Variants in MUSK observed in about 807,000 individuals in gnomAD.
MUSK encodes the protein muscle associated receptor tyrosine kinase.
In MUSK, 55 loss-of-function variants were observed where a neutral mutation model predicts 88.7. The observed-to-expected ratio is 0.62, with a 90% CI of 0.50 to 0.78. The LOEUF (loss-of-function observed/expected upper bound fraction) is 0.78, where lower values mean the gene tolerates loss of function less well. Among genes scored for constraint, MUSK ranks in the 30% least tolerant of loss-of-function variants. The pLI is 0.00. For synonymous variants in MUSK, 387 were observed against 391.9 expected, an observed-to-expected ratio of 0.99 and a Z score of 0.15; for missense variants, 1,015 against 1,074.3, an observed-to-expected ratio of 0.94 and a Z score of 0.77.
chr9:110,755,046 T>C (rs1194638103), intron 7 of MUSK, among the ~76,000 whole-genome samples: 2 of 152,194 alleles, frequency 1.3e-5, no homozygotes, highest in Non-Finnish European at 2.9e-5. Context: ...CTACTAGATG[T>C]TTTTCAGAAT....
chr9:110,780,444 T>C (rs2077732994), intron 11 of MUSK, among the ~76,000 whole-genome samples: 1 of 152,246 alleles, frequency 6.6e-6, no homozygotes, highest in Admixed American at 6.5e-5. Context: ...TAGCCAAGAC[T>C]CCACCCATCA....
intron 6 of MUSK, among the ~76,000 whole-genome samples, chr9:110,744,758 C>T (rs2077151972): frequency 6.6e-6 from 1 of 152,156 alleles, no homozygotes. Context: ...GGAGCTGTGT[C>T]TCCAGCTCCC....
chr9:110,727,942 G>T (rs1352411803), intron 5 of MUSK, among the ~76,000 whole-genome samples: 1 of 152,098 alleles, frequency 6.6e-6, no homozygotes, highest in African/African-American at 2.4e-5. Flanking sequence ...TCCACTTGGG[G>T]ACTACGTCTG....
At chr9:110,761,921 A>C in intron 7 of MUSK, 8 of 985,286 alleles carry the variant, frequency 8.1e-6, no homozygotes, top group Non-Finnish European at 9.6e-6. Flanking sequence ...TAATGGAGGG[A>C]AATTCTGAGC....
At chr9:110,750,410 T>G (rs946297746) in intron 7 of MUSK, among the ~76,000 whole-genome samples, 10 of 152,148 alleles carry the variant, frequency 6.6e-5, no homozygotes, top group Non-Finnish European at 1.3e-4. Flanking sequence ...TGATTTTATC[T>G]CTTGGCTTGG....
intron 5 of MUSK, among the ~76,000 whole-genome samples, chr9:110,713,638 C>G (rs1054602897): frequency 9.2e-5 from 14 of 152,242 alleles, no homozygotes; most frequent in Non-Finnish European, 2.1e-4. Flanking sequence ...AGGCATATGG[C>G]CTTATCTGGC....
intron 3 of MUSK, among the ~76,000 whole-genome samples, chr9:110,689,106 T>G (rs1422250004): frequency 1.2e-4 from 15 of 128,546 alleles, no homozygotes; most frequent in South Asian, 4.7e-4. Context: ...AAATATATAG[T>G]TTTATAATTT....
intron 7 of MUSK, among the ~76,000 whole-genome samples, chr9:110,752,625 C>T (rs1048750614): frequency 1.3e-5 from 2 of 152,170 alleles, no homozygotes; most frequent in Non-Finnish European, 2.9e-5. Context: ...CTGTCATGTT[C>T]CTCGTGTTTC....
At chr9:110,772,869 A>G (rs2077601542) in intron 9 of MUSK, among the ~76,000 whole-genome samples, 1 of 152,094 alleles carries the variant, frequency 6.6e-6, no homozygotes, top group African/African-American at 2.4e-5. Flanking sequence ...TATTCATCAA[A>G]CTAGTTCAGA....
At chr9:110,679,540 T>C (rs1036692348) in intron 1 of MUSK, among the ~76,000 whole-genome samples, 1 of 152,062 alleles carries the variant, frequency 6.6e-6, no homozygotes, top group African/African-American at 2.4e-5. Context: ...GCACTTACTG[T>C]GATTTCTGGT....
At chr9:110,772,566 TATA>T (rs1297651316) in intron 9 of MUSK, among the ~76,000 whole-genome samples, 1 of 152,020 alleles carries the variant, frequency 6.6e-6, no homozygotes, top group East Asian at 1.9e-4. Flanking sequence ...TTCTCTGATA[TATA>T]ATAATAAAAA....
At position 110,790,453 on chromosome 9, in the gene MUSK, T is replaced by A. The variant is rs571621502; in HGVS notation, c.1927+2615T>A. Reference sequence around the variant, plus strand: ...TTGTAAATTAATGAGAATGATCCCGTAAAGAGAAAAATTGATGACAGGGTT... The same window carrying A: ...TTGTAAATTAATGAGAATGATCCCGAAAAGAGAAAAATTGATGACAGGGTT... On this transcript the variant is annotated intron_variant, in intron 14 of 14. Transcript: ENST00000374448. Among the ~76,000 whole-genome samples the A allele has an allele frequency of 8.5e-5, 13 of 152,300 alleles. No homozygotes were observed. The East Asian group carries it at 2.5e-3, about 29-fold the overall frequency.
chr9:110,724,829 T>C (rs951235290), intron 5 of MUSK, among the ~76,000 whole-genome samples: 1 of 151,986 alleles, frequency 6.6e-6, no homozygotes, highest in Non-Finnish European at 1.5e-5. Context: ...CTTTGTGCTA[T>C]AATTATTATA....
intron 8 of MUSK, among the ~76,000 whole-genome samples, chr9:110,766,000 C>G (rs77797804): frequency 0.011 from 1,658 of 152,142 alleles, 25 homozygotes; most frequent in African/African-American, 0.038. Context: ...CCTGCTTGTT[C>G]AGATTTTTCT....
rs2078092616 is a variant in MUSK at position 110,801,126 on chromosome 9, G to A, written c.*138G>A. 2.6e-6 allele frequency: 2 copies of A among 766,766 alleles called. No individual in the cohort carries two copies. Among genetic ancestry groups the A allele is most frequent in the Admixed American group, 3.4e-5 (1 of 29,320 alleles). The allele number at this position is 766,766 out of a possible 1,614,324, so 47.5% of individuals were successfully genotyped here. A position where few individuals can be genotyped will look rare whatever the true frequency, so the allele number is the denominator to read the frequency against. On this transcript the variant is annotated 3_prime_UTR_variant, in exon 15 of 15. Coordinates refer to ENST00000374448, the MANE Select transcript of MUSK (RefSeq NM_005592.4). The stretch of plus-strand genomic sequence containing the variant: ...TGAGTAGTGTGTTGTTTGCTTCCCA[G>A]GGAGAGCAAAGACAGTGCAAAACCC...
At chr9:110,675,003 T>C (rs536816225) in intron 1 of MUSK, among the ~76,000 whole-genome samples, 1 of 152,252 alleles carries the variant, frequency 6.6e-6, no homozygotes, top group Non-Finnish European at 1.5e-5. Flanking sequence ...TTCTAAATTA[T>C]AGAATCAAGT....
intron 4 of MUSK, 80 bp from the exon 5 acceptor site, chr9:110,697,245 C>A: frequency 1.4e-6 from 2 of 1,435,912 alleles, no homozygotes; most frequent in Non-Finnish European, 1.9e-6. Flanking sequence ...ATAGTGATGA[C>A]AATAAGTTGA....
chr9:110,727,514 T>G (rs903194801), intron 5 of MUSK: 1 of 155,412 alleles, frequency 6.4e-6, no homozygotes, highest in Admixed American at 6.5e-5. Flanking sequence ...GACTCACCCA[T>G]TCTGAGAATG....
intron 11 of MUSK, among the ~76,000 whole-genome samples, chr9:110,782,074 C>G (rs1051054285): frequency 2.0e-5 from 3 of 152,218 alleles, no homozygotes; most frequent in African/African-American, 7.2e-5. Flanking sequence ...CATTTATTCA[C>G]TTGTGTCTCA....
Sources: allele counts gnomAD v4.1 joint callset (sites outside exome capture counted in the v4.1 genomes callset), GRCh38; gene constraint gnomAD v4.1.1; transcripts MANE v1.5; gene names NCBI Gene and HGNC (gene_info 2026-07-23, HGNC 2026-07-21).